Variants in KCNJ3 observed in about 807,000 individuals in gnomAD.
KCNJ3 encodes the protein G protein-activated inward rectifier potassium channel 1.
Under a neutral mutation model 39.2 loss-of-function variants are expected in KCNJ3, and 4 were observed. The ratio of observed to expected loss-of-function variants is 0.10; its 90% CI spans 0.05 to 0.23. The LOEUF (loss-of-function observed/expected upper bound fraction) is 0.23. KCNJ3 is among the 10% of genes least tolerant of loss of function. KCNJ3 has a pLI of 1.00. For missense variants in KCNJ3, 276 were observed against 634.9 expected, an observed-to-expected ratio of 0.43 and a Z score of 6.08; for synonymous variants, 230 against 237.4, an observed-to-expected ratio of 0.97 and a Z score of 0.29.
At chr2:154,807,097 A>G (rs1686925718) in intron 2 of KCNJ3, among the ~76,000 whole-genome samples, 1 of 152,220 alleles carries the variant, frequency 6.6e-6, no homozygotes, top group Non-Finnish European at 1.5e-5. Flanking sequence ...AGTATCAGTT[A>G]TAAAGATAAC....
At chr2:154,768,010 T>C (rs945742692) in intron 2 of KCNJ3, among the ~76,000 whole-genome samples, 18 of 152,362 alleles carry the variant, frequency 1.2e-4, no homozygotes, top group Admixed American at 3.3e-4. Context: ...GTTTATATCC[T>C]TCACCCACTT....
At chr2:154,758,839 A>T (rs1237452206) in intron 2 of KCNJ3, among the ~76,000 whole-genome samples, 1 of 152,230 alleles carries the variant, frequency 6.6e-6, no homozygotes, top group Non-Finnish European at 1.5e-5. Flanking sequence ...ATGAAAGAGG[A>T]CAGTTGAACC....
chr2:154,855,208 G>A lies in KCNJ3; in HGVS notation c.1401G>A (p.Val467=). ...TATCTGATCCCATGAGCCAGTCTGTGGCTGATTTGCCACCAAAGCTTCAAA... is the reference window on the plus strand; with the variant it reads ...TATCTGATCCCATGAGCCAGTCTGTAGCTGATTTGCCACCAAAGCTTCAAA... The part of the protein sequence containing the change: ...KMLSDPMSQS[V]ADLPPKLQKM... Residue 467 remains valine, a synonymous_variant, in exon 3 of 3, where the codon GTG becomes GTA. Coordinates refer to ENST00000295101, the MANE Select transcript of KCNJ3 (RefSeq NM_002239.4). 6.2e-7 allele frequency: 1 copy of A among 1,613,796 alleles called. No homozygotes were observed. Among genetic ancestry groups the A allele is most frequent in the Non-Finnish European group, 8.5e-7 (1 of 1,179,920 alleles).
intron 2 of KCNJ3, among the ~76,000 whole-genome samples, chr2:154,799,203 C>T (rs1480246133): frequency 6.6e-6 from 1 of 152,168 alleles, no homozygotes; most frequent in Non-Finnish European, 1.5e-5. Flanking sequence ...ACGATCTTGG[C>T]TTAGTGCAAC....
chr2:154,753,990 A>AT (rs1257581821), intron 2 of KCNJ3, among the ~76,000 whole-genome samples: 1 of 152,080 alleles, frequency 6.6e-6, no homozygotes, highest in African/African-American at 2.4e-5. Flanking sequence ...TGACTCCATA[A>AT]TTTTTTACTA....
chr2:154,766,700 C>T lies in KCNJ3; in HGVS notation c.919+56881C>T, dbSNP rs147132375. Among the ~76,000 whole-genome samples, 698 of 152,140 alleles carry T rather than the reference C, an allele frequency of 4.6e-3. 6 individuals are homozygous for T. Among genetic ancestry groups the T allele is most frequent in the African/African-American group, 0.016 (672 of 41,494 alleles). On this transcript the variant is annotated intron_variant, in intron 2 of 2. Transcript: ENST00000295101. The stretch of plus-strand genomic sequence containing the variant: ...CCTCCTTAGTAGCTGGGACTACAGG[C>T]ACATGCCATCATGCCTGGCTAATTT...
intron 2 of KCNJ3, among the ~76,000 whole-genome samples, chr2:154,726,299 G>A (rs1003070085): frequency 6.6e-6 from 1 of 151,980 alleles, no homozygotes; most frequent in African/African-American, 2.4e-5. Context: ...AGTGGTCTGA[G>A]GACATAAATA....
intron 2 of KCNJ3, among the ~76,000 whole-genome samples, chr2:154,801,506 T>TTTTG (rs1686816922): frequency 6.6e-6 from 1 of 151,852 alleles, no homozygotes; most frequent in African/African-American, 2.4e-5. Context: ...TTTTCTTTTT[T>TTTTG]CTTTTCTTTT....
intron 2 of KCNJ3, among the ~76,000 whole-genome samples, chr2:154,747,344 T>C (rs1164770985): frequency 6.6e-6 from 1 of 152,046 alleles, no homozygotes; most frequent in African/African-American, 2.4e-5. Context: ...TAAAGGGTTT[T>C]TGAGGGGGAA....
intron 2 of KCNJ3, among the ~76,000 whole-genome samples, chr2:154,714,008 A>C (rs1685142891): frequency 6.6e-6 from 1 of 152,138 alleles, no homozygotes; most frequent in Non-Finnish European, 1.5e-5. Context: ...GAGACACTTC[A>C]ATTTTTATAC....
At chr2:154,792,537 C>G (rs1686652820) in intron 2 of KCNJ3, among the ~76,000 whole-genome samples, 1 of 152,052 alleles carries the variant, frequency 6.6e-6, no homozygotes, top group African/African-American at 2.4e-5. Flanking sequence ...TGTGAATTGT[C>G]CTGCTACTAA....
chr2:154,763,796 G>A (rs62170801), intron 2 of KCNJ3, among the ~76,000 whole-genome samples: 7,904 of 152,152 alleles, frequency 0.052, 224 homozygotes, highest in African/African-American at 0.06. Context: ...CTTTGTGTAG[G>A]CTTAGTTTTC....
Position 154,709,880 on chromosome 2 carries a change from C to A in KCNJ3, c.919+61C>A. On this transcript the variant is annotated intron_variant, in intron 2 of 2. Transcript: ENST00000295101. ...TACCATAATGACATTATATGATATG[C>A]ACAATACCTGTCATGAATTGGGCGA... The A allele has an allele frequency of 1.3e-6, 2 of 1,565,780 alleles. 1 individual carries two copies. The highest frequency in any genetic ancestry group is 2.3e-5 in the South Asian group (2 of 85,586).
chr2:154,719,927 T>C (rs1270058156), intron 2 of KCNJ3, among the ~76,000 whole-genome samples: 2 of 152,150 alleles, frequency 1.3e-5, no homozygotes, highest in African/African-American at 2.4e-5. Flanking sequence ...TGATTAGTTT[T>C]AACTTTGTTA....
intron 2 of KCNJ3, among the ~76,000 whole-genome samples, chr2:154,797,437 A>G (rs1004266890): frequency 1.2e-4 from 19 of 152,208 alleles, no homozygotes; most frequent in African/African-American, 4.3e-4. Flanking sequence ...CCGTAAAATA[A>G]GAAGTGAAAT....
chr2:154,783,694 C>T (rs931539051), intron 2 of KCNJ3, among the ~76,000 whole-genome samples: 1 of 152,140 alleles, frequency 6.6e-6, no homozygotes, highest in Non-Finnish European at 1.5e-5. Context: ...CAAGTTGGCA[C>T]AGCTGCTAAG....
chr2:154,724,577 C>A (rs1007671689), intron 2 of KCNJ3, among the ~76,000 whole-genome samples: 8 of 151,872 alleles, frequency 5.3e-5, no homozygotes, highest in Admixed American at 6.6e-5. Context: ...TAGAGCATAA[C>A]CTGTTGAAGA....
At chr2:154,851,206 C>T (rs192895454) in intron 2 of KCNJ3, among the ~76,000 whole-genome samples, 2 of 151,930 alleles carry the variant, frequency 1.3e-5, no homozygotes, top group Non-Finnish European at 2.9e-5. Context: ...CCCACCACTG[C>T]ACTCCAGCCT....
At chr2:154,717,773 T>C (rs891902525) in intron 2 of KCNJ3, among the ~76,000 whole-genome samples, 2 of 152,162 alleles carry the variant, frequency 1.3e-5, no homozygotes, top group African/African-American at 4.8e-5. Flanking sequence ...AAAATTGAGG[T>C]GTACCTGTAA....
Sources: gnomAD v4.1 joint callset for allele counts (sites outside exome capture counted in the v4.1 genomes callset) on GRCh38, gnomAD v4.1.1 for gene constraint, MANE v1.5 for transcripts, NCBI Gene and HGNC (gene_info 2026-07-23, HGNC 2026-07-21) for gene names.